Variants in SEMA3D observed in about 807,000 individuals in gnomAD.
The protein encoded by SEMA3D is semaphorin-3D.
In SEMA3D, 84 loss-of-function variants were observed where a neutral mutation model predicts 100.1. The observed-to-expected ratio is 0.84, with a 90% CI of 0.70 to 1.01. The LOEUF is 1.01. SEMA3D is among the 50% of genes least tolerant of loss of function. The pLI, the probability that SEMA3D is intolerant of heterozygous loss-of-function variation, is 0.00. For synonymous variants in SEMA3D, 312 were observed against 320.7 expected, an observed-to-expected ratio of 0.97 and a Z score of 0.29; for missense variants, 875 against 934.1, an observed-to-expected ratio of 0.94 and a Z score of 0.82.
At chr7:85,034,260 ATGAG>A (rs1790629106) in intron 12 of SEMA3D, among the ~76,000 whole-genome samples, 1 of 152,120 alleles carries the variant, frequency 6.6e-6, no homozygotes, top group Non-Finnish European at 1.5e-5. Context: ...AGTAAATGAA[ATGAG>A]TAAGTACAGC....
intron 1 of SEMA3D, among the ~76,000 whole-genome samples, chr7:85,178,282 G>T (rs865890395): frequency 2.6e-5 from 4 of 152,180 alleles, no homozygotes; most frequent in African/African-American, 9.7e-5. Context: ...ATGTGGAAGC[G>T]ACTTTGGAAC....
At position 84,999,542 on chromosome 7, in the gene SEMA3D, G is replaced by C. The variant is rs754421022; in HGVS notation, c.2232C>G (p.Asn744Lys). 6.2e-7 allele frequency: 1 copy of C among 1,614,006 alleles called. No homozygotes were observed. Among genetic ancestry groups the C allele is most frequent in the South Asian group, 1.1e-5 (1 of 91,078 alleles). The stretch of plus-strand genomic sequence containing the variant: ...TGTGCTTCCACTTTGGGCCCCCCTT[G>C]TTTCTCTGTCTCCGCTTCTCCCTGT... ...MWHREKRRQRNKGGPKWKHMQ... is the reference protein window; with the variant it reads ...MWHREKRRQRKKGGPKWKHMQ... The change falls in exon 19 of 19, where the codon AAC becomes AAG. Residue 744 changes from asparagine to lysine, a missense_variant. By Grantham distance (94) the Asn-to-Lys change is moderately conservative. Transcript: ENST00000284136.
chr7:85,219,922 G>A, the SEMA3D span, among the ~76,000 whole-genome samples: 321 of 152,076 alleles, frequency 2.1e-3, 1 homozygote, highest in African/African-American at 7.6e-3. Flanking sequence ...CCTACAACAG[G>A]CTCATAGAAT....
chr7:85,055,720 A>G lies in SEMA3D; in HGVS notation c.858T>C (p.Cys286=), dbSNP rs1296798627. 4.4e-6 allele frequency: 6 copies of G among 1,355,110 alleles called. No individual in the cohort carries two copies. 83.9% of individuals were successfully genotyped at this position (1,355,110 alleles called of 1,614,324 possible). ...KTILSRVGRV[C]KNDVGGQRSL... Reference sequence around the variant, plus strand: ...AAAATATATAAATATATCTTGCCTTACAAACTCTTCCAACTCGAGAAAGGA... The same window carrying G: ...AAAATATATAAATATATCTTGCCTTGCAAACTCTTCCAACTCGAGAAAGGA... The change falls in exon 9 of 19, where the codon TGT becomes TGC. Residue 286 remains cysteine (C), a synonymous_variant. Transcript: ENST00000284136.
At chr7:85,029,080 A>G in intron 12 of SEMA3D, 1 of 549,230 alleles carries the variant, frequency 1.8e-6, no homozygotes, top group Non-Finnish European at 3.5e-6. Context: ...GTGTGATGCT[A>G]CCATTCCTAC....
chr7:85,237,799 G>A, the SEMA3D span, among the ~76,000 whole-genome samples: 12,472 of 152,054 alleles, frequency 0.082, 1,299 homozygotes, highest in African/African-American at 0.24. Flanking sequence ...TTGGGTAAAC[G>A]CTAAAGAATG....
intron 18 of SEMA3D, 75 bp from the exon 19 acceptor site, chr7:84,999,940 G>GT: frequency 4.3e-6 from 5 of 1,156,412 alleles, no homozygotes; most frequent in Non-Finnish European, 6.2e-6. Flanking sequence ...AGGCTACATA[G>GT]TTTTACTTAG....
rs755013940 is a variant in SEMA3D, at chr7:85,020,345, TC to T, written c.1415-25del. ...GTCTGAAAAAATGCATAACCCATGA[TC>T]CCATTGTTTCTATCTCAAAAATTAG... On this transcript the variant is annotated intron_variant, in intron 13 of 18. Transcript: ENST00000284136. The T allele has an allele frequency of 5.8e-6, 9 of 1,552,912 alleles. No individual in the cohort carries two copies. The South Asian group carries it at 7.8e-5, about 13-fold the overall frequency.
the SEMA3D span, among the ~76,000 whole-genome samples, chr7:85,235,727 G>C: frequency 6.6e-6 from 1 of 152,130 alleles, no homozygotes; most frequent in African/African-American, 2.4e-5. Context: ...CTAGAATAAT[G>C]TGTGTGTCAG....
intron 4 of SEMA3D, among the ~76,000 whole-genome samples, chr7:85,095,002 CAAAG>C (rs750028920): frequency 6.6e-6 from 1 of 151,380 alleles, no homozygotes; most frequent in Non-Finnish European, 1.5e-5. Flanking sequence ...ATTTAAAAAA[CAAAG>C]AAATAAAAAA....
At chr7:85,070,630 G>A (rs1002385000) in intron 6 of SEMA3D, among the ~76,000 whole-genome samples, 1 of 152,146 alleles carries the variant, frequency 6.6e-6, no homozygotes, top group African/African-American at 2.4e-5. Context: ...CTGTACGCCA[G>A]ACCAGCTAAA....
chr7:85,235,596 T>G, the SEMA3D span, among the ~76,000 whole-genome samples: 6 of 152,298 alleles, frequency 3.9e-5, no homozygotes, highest in East Asian at 7.7e-4. Context: ...AGCTAAGGAT[T>G]TGGAGCTAAT....
chr7:85,096,570 C>A (rs112137936), intron 4 of SEMA3D, among the ~76,000 whole-genome samples: 2,542 of 151,898 alleles, frequency 0.017, 68 homozygotes, highest in African/African-American at 0.058. Context: ...GAAATAATTT[C>A]TTTATTAAGT....
chr7:85,020,105 A>G, intron 14 of SEMA3D, 128 bp downstream of exon 14: 1 of 635,948 alleles, frequency 1.6e-6, no homozygotes, highest in Non-Finnish European at 2.8e-6. Context: ...TTGGGAAAAG[A>G]AAACTAAGAA....
intron 2 of SEMA3D, among the ~76,000 whole-genome samples, chr7:85,129,430 A>G: frequency 6.6e-6 from 1 of 152,244 alleles, no homozygotes; most frequent in South Asian, 2.1e-4. Flanking sequence ...AAAATTAGTT[A>G]TGTCAAAGGA....
intron 7 of SEMA3D, among the ~76,000 whole-genome samples, chr7:85,067,595 C>T (rs897301186): frequency 4.6e-5 from 7 of 152,144 alleles, no homozygotes; most frequent in Non-Finnish European, 8.8e-5. Flanking sequence ...AGAAGTCTTG[C>T]TGACATTCCT....
At chr7:85,098,670 C>A (rs897586945) in intron 3 of SEMA3D, among the ~76,000 whole-genome samples, 3 of 151,858 alleles carry the variant, frequency 2.0e-5, no homozygotes, top group African/African-American at 7.2e-5. Flanking sequence ...AATAAACCTA[C>A]ACTGGCACAT....
chr7:85,099,507 A>G (rs1788679287), intron 3 of SEMA3D, among the ~76,000 whole-genome samples: 1 of 151,950 alleles, frequency 6.6e-6, no homozygotes, highest in Non-Finnish European at 1.5e-5. Flanking sequence ...CAGTGTCAAA[A>G]TGGACTAATA....
At chr7:85,071,747 T>C (rs1425472885) in intron 6 of SEMA3D, among the ~76,000 whole-genome samples, 1 of 152,202 alleles carries the variant, frequency 6.6e-6, no homozygotes, top group African/African-American at 2.4e-5. Context: ...CATTTGTGTA[T>C]CTAAATATAT....
Sources: gnomAD v4.1 joint callset for allele counts (sites outside exome capture counted in the v4.1 genomes callset) on GRCh38, gnomAD v4.1.1 for gene constraint, MANE v1.5 for transcripts, NCBI Gene and HGNC (gene_info 2026-07-23, HGNC 2026-07-21) for gene names.